ERGIC3: variants seen among roughly 807,000 people sequenced by gnomAD.
ERGIC3 encodes endoplasmic reticulum-Golgi intermediate compartment protein 3.
A neutral mutation model predicts 54.7 loss-of-function variants in ERGIC3; 33 were observed. The ratio of observed to expected loss-of-function variants is 0.60; its 90% confidence interval spans 0.46 to 0.81. The LOEUF (loss-of-function observed/expected upper bound fraction) is 0.81. ERGIC3 is among the 30% of genes least tolerant of loss of function. The pLI, the probability that ERGIC3 is intolerant of heterozygous loss-of-function variation, is 0.00. For missense variants in ERGIC3, 399 were observed against 488.4 expected, an observed-to-expected ratio of 0.82 and a Z score of 1.73; for synonymous variants, 186 against 189.8, an observed-to-expected ratio of 0.98 and a Z score of 0.16.
At chr20:35,555,149 G>T in intron 8 of ERGIC3, 74 bp downstream of exon 8, 1 of 1,550,632 alleles carries the variant, frequency 6.4e-7, no homozygotes, top group South Asian at 1.1e-5. Context: ...TTCCTTGTAG[G>T]AACATCCTGG....
chr20:35,557,224 C>A lies in ERGIC3; in HGVS notation c.1047C>A (p.Cys349Ter). The A allele has an allele frequency of 6.2e-7, 1 of 1,614,110 alleles. No individual in the cohort carries two copies. Among genetic ancestry groups the A allele is most frequent in the Non-Finnish European group, 8.5e-7 (1 of 1,180,006 alleles). ...RSFTHFLTGVCAIIGGMFTVA... is the reference protein window; with the variant it reads ...RSFTHFLTGV ...TCACCCACTTCCTGACAGGTGTGTG[C>A]GCCATCATTGGGGGCATGTTCACAG... Residue 349 changes from cysteine (C) to a stop codon, truncating the protein, a stop_gained, in exon 12 of 13, where the codon TGC becomes TGA. Transcript: ENST00000348547. LOFTEE classifies it high-confidence loss of function.
At chr20:35,556,616 C>G in intron 10 of ERGIC3, 1 of 492,294 alleles carries the variant, frequency 2.0e-6, no homozygotes, top group Non-Finnish European at 3.7e-6. Context: ...GCCTGTGGAG[C>G]AGCATCTCAG....
intron 7 of ERGIC3, chr20:35,554,536 A>C: frequency 1.2e-6 from 1 of 822,320 alleles, no homozygotes; most frequent in Non-Finnish European, 2.0e-6. Context: ...GTATCTTTGA[A>C]GTATGGTTCC....
rs773585155 is a variant in ERGIC3 at position 35,557,183 on chromosome 20, CCTT to C, written c.1017-8_1017-6del. The stretch of plus-strand genomic sequence containing the variant: ...AGGATGCCTGCTGAGCCCACCCTCT[CCTT>C]CTACCAGGTCCTTCACCCACTTCCT... On this transcript the variant is annotated splice_polypyrimidine_tract_variant and splice_region_variant and intron_variant, in intron 11 of 12. Transcript: ENST00000348547. 2.5e-6 allele frequency: 4 copies of C among 1,614,218 alleles called. No homozygotes were observed. Among genetic ancestry groups the C allele is most frequent in the African/African-American group, 2.7e-5 (2 of 75,064 alleles).
At chr20:35,555,309 G>A (rs1398647964) in intron 8 of ERGIC3, among the ~76,000 whole-genome samples, 1 of 152,168 alleles carries the variant, frequency 6.6e-6, no homozygotes, top group Non-Finnish European at 1.5e-5. Flanking sequence ...CAGAGCCTCA[G>A]CGCAAGGTCA....
chr20:35,547,487 C>T lies in ERGIC3; in HGVS notation c.443C>T (p.Ala148Val), dbSNP rs2064655303. The change falls in exon 5 of 13, where the codon GCT (alanine) becomes GTT (valine). Residue 148 changes from alanine to valine, a missense_variant. Ala to Val is a moderately conservative substitution (Grantham distance 64). Coordinates refer to ENST00000348547, the MANE Select transcript of ERGIC3 (RefSeq NM_015966.3). ...GATCGCTGTGAGAGCTGCTATGGTGCTGAGGCAGAAGATATCAAGTGAGCT... is the reference window on the plus strand; with the variant it reads ...GATCGCTGTGAGAGCTGCTATGGTGTTGAGGCAGAAGATATCAAGTGAGCT... ...DPDRCESCYG[A>V]EAEDIKCCNT... 1 of 1,614,012 alleles carries T rather than the reference C, an allele frequency of 6.2e-7. No individual in the cohort carries two copies. Among genetic ancestry groups the T allele is most frequent in the Non-Finnish European group, 8.5e-7 (1 of 1,179,942 alleles).
chr20:35,548,753 C>T, intron 6 of ERGIC3, 55 bp from the exon 7 acceptor site: 4 of 1,614,112 alleles, frequency 2.5e-6, no homozygotes, highest in Non-Finnish European at 3.4e-6. Context: ...CAGTCAGGCC[C>T]TGAGTAGGCA....
At chr20:35,550,815 G>A (rs1377989934) in intron 7 of ERGIC3, among the ~76,000 whole-genome samples, 3 of 152,166 alleles carry the variant, frequency 2.0e-5, no homozygotes, top group South Asian at 2.1e-4. Context: ...CAGAATCAGA[G>A]AGGCCCATTA....
Position 35,556,123 on chromosome 20 carries a change from C to T in ERGIC3, c.808C>T (p.Pro270Ser), listed in dbSNP as rs2064710024. Reference protein sequence around the residue: ...NPLDHTNVTAPQASMMFQYFV... With the variant: ...NPLDHTNVTASQASMMFQYFV... ...CCTGGACCACACCAATGTCACTGCG[C>T]CCCAAGGTACCAGCCCGGGAGGCAG... The change falls in exon 9 of 13, where the codon CCC becomes TCC. Residue 270 changes from proline to serine, a missense_variant. Pro to Ser is a moderately conservative substitution (Grantham distance 74). Coordinates refer to ENST00000348547, the MANE Select transcript of ERGIC3 (RefSeq NM_015966.3). The T allele has an allele frequency of 6.2e-7, 1 of 1,614,202 alleles. No individual in the cohort carries two copies. Among genetic ancestry groups the T allele is most frequent in the Non-Finnish European group, 8.5e-7 (1 of 1,180,042 alleles).
intron 7 of ERGIC3, among the ~76,000 whole-genome samples, chr20:35,550,896 G>A (rs1315852701): frequency 1.3e-5 from 2 of 152,202 alleles, no homozygotes; most frequent in East Asian, 3.8e-4. Context: ...TGGAAGTGGT[G>A]GGAAGTGACT....
Position 35,556,055 on chromosome 20 carries a change from A to T in ERGIC3, c.740A>T (p.Gln247Leu), listed in dbSNP as rs1422240349. ...LDNINMTHYI[Q>L]HLSFGEDYPG... ...CAGATCAACATGACCCACTACATCC[A>T]GCACCTGTCATTTGGGGAGGACTAT... The change falls in exon 9 of 13, where the codon CAG becomes CTG. Residue 247 changes from glutamine (Q) to leucine (L), a missense_variant. Gln to Leu is a moderately radical substitution (Grantham distance 113, BLOSUM62 -2). Coordinates refer to ENST00000348547, the MANE Select transcript of ERGIC3 (RefSeq NM_015966.3). The T allele has an allele frequency of 6.2e-7, 1 of 1,614,054 alleles. No homozygotes were observed. Among genetic ancestry groups the T allele is most frequent in the Non-Finnish European group, 8.5e-7 (1 of 1,180,034 alleles).
intron 4 of ERGIC3, chr20:35,545,109 C>T (rs2064641253): frequency 6.6e-6 from 1 of 152,454 alleles, no homozygotes; most frequent in African/African-American, 2.4e-5. Context: ...AGCAGGGGAT[C>T]TGCTTTTAAA....
At chr20:35,542,217 G>GCTTAGCCC (rs1280688244) in intron 1 of ERGIC3, 32 bp downstream of exon 1, 3 of 1,589,714 alleles carry the variant, frequency 1.9e-6, no homozygotes, top group Non-Finnish European at 1.7e-6. Context: ...GTCGCGTGGA[G>GCTTAGCCC]GGGGGCGTCC....
At chr20:35,554,579 G>A (rs1260992737) in intron 7 of ERGIC3, among the ~76,000 whole-genome samples, 2 of 152,180 alleles carry the variant, frequency 1.3e-5, no homozygotes, top group Non-Finnish European at 2.9e-5. Context: ...TAGAGGGCAG[G>A]AATAAATTGT....
chr20:35,544,596 G>A (rs2064637432), intron 4 of ERGIC3: 2 of 266,092 alleles, frequency 7.5e-6, no homozygotes, highest in Non-Finnish European at 1.6e-5. Flanking sequence ...CTCATACGGG[G>A]CGAAACCACA....
intron 7 of ERGIC3, among the ~76,000 whole-genome samples, chr20:35,551,051 G>C (rs2064679175): frequency 6.6e-6 from 1 of 152,122 alleles, no homozygotes; most frequent in Admixed American, 6.5e-5. Context: ...TAGCACTTTG[G>C]GAGGCCAAGG....
At chr20:35,550,286 G>A (rs2064674536) in intron 7 of ERGIC3, among the ~76,000 whole-genome samples, 1 of 152,048 alleles carries the variant, frequency 6.6e-6, no homozygotes, top group Admixed American at 6.6e-5. Flanking sequence ...CAGTAAGAAG[G>A]TTAGGGTGGC....
At position 35,554,736 on chromosome 20, in the gene ERGIC3, T is replaced by C. The variant is rs1275630176; in HGVS notation, c.686-308T>C. On this transcript the variant is annotated intron_variant, in intron 7 of 12. Coordinates refer to ENST00000348547, the MANE Select transcript of ERGIC3 (RefSeq NM_015966.3). ...ATCAGCTCTAGTTAGTGAGAGCCCA[T>C]AGTCGGTGGGTTTTGTTTCCGGAGA... The C allele has an allele frequency of 6.8e-6, 4 of 591,320 alleles. No homozygotes were observed. The African/African-American group carries it at 7.5e-5, about 11-fold the overall frequency. The allele number at this position is 591,320 out of a possible 1,614,324, so 36.6% of individuals were successfully genotyped here.
intron 4 of ERGIC3, among the ~76,000 whole-genome samples, chr20:35,546,005 G>A (rs964521795): frequency 2.6e-5 from 4 of 152,164 alleles, no homozygotes; most frequent in African/African-American, 4.8e-5. Context: ...AGGACAGGAA[G>A]GAAGATTGGG....
Sources: gnomAD v4.1 joint callset for allele counts (sites outside exome capture counted in the v4.1 genomes callset) on GRCh38, gnomAD v4.1.1 for gene constraint, MANE v1.5 for transcripts, NCBI Gene and HGNC (gene_info 2026-07-23, HGNC 2026-07-21) for gene names.